HSD17B7: variants seen among roughly 807,000 people sequenced by gnomAD.
HSD17B7 encodes 3-keto-steroid reductase/17-beta-hydroxysteroid dehydrogenase 7.
Under a neutral mutation model 34.1 loss-of-function variants are expected in HSD17B7, and 17 were observed. That is an observed-to-expected ratio of 0.50 (90% CI 0.34 to 0.75). The LOEUF is 0.75. Among genes scored for constraint, HSD17B7 ranks in the 30% least tolerant of loss-of-function variants. The pLI is 0.01. For missense variants in HSD17B7, 296 were observed against 406.6 expected, an observed-to-expected ratio of 0.73 and a Z score of 2.34; for synonymous variants, 122 against 154.6, an observed-to-expected ratio of 0.79 and a Z score of 1.56.
chr1:162,812,562 C>T lies in HSD17B7; in HGVS notation c.*142C>T. 3.9e-6 allele frequency: 3 copies of T among 773,746 alleles called. No homozygotes were observed. Among genetic ancestry groups the T allele is most frequent in the Non-Finnish European group, 5.8e-6 (3 of 516,112 alleles). 47.9% of individuals were successfully genotyped at this position (773,746 alleles called of 1,614,324 possible). A position where few individuals can be genotyped will look rare whatever the true frequency, so the allele number is the denominator to read the frequency against. ...GTGTGGTGGCATGCGCATGTAGTCC[C>T]AGCTACTCAGAAGGATGAGGTGGGA... On this transcript the variant is annotated 3_prime_UTR_variant, in exon 9 of 9. Transcript: ENST00000254521.
At chr1:162,806,825 GT>G (rs1383873220) in intron 8 of HSD17B7, among the ~76,000 whole-genome samples, 1 of 152,168 alleles carries the variant, frequency 6.6e-6, no homozygotes, top group Non-Finnish European at 1.5e-5. Flanking sequence ...ATTGAAGAAA[GT>G]ATTTTAACCT....
At chr1:162,794,499 G>A (rs995308527) in intron 2 of HSD17B7, among the ~76,000 whole-genome samples, 1 of 152,056 alleles carries the variant, frequency 6.6e-6, no homozygotes, top group African/African-American at 2.4e-5. Context: ...AGATTTTCTA[G>A]GTTCTGTTTT....
chr1:162,794,501 T>A (rs1648534409), intron 2 of HSD17B7, among the ~76,000 whole-genome samples: 1 of 152,168 alleles, frequency 6.6e-6, no homozygotes, highest in Non-Finnish European at 1.5e-5. Flanking sequence ...ATTTTCTAGG[T>A]TCTGTTTTCA....
intron 3 of HSD17B7, among the ~76,000 whole-genome samples, chr1:162,796,938 G>T (rs1456807380): frequency 2.0e-5 from 3 of 152,128 alleles, no homozygotes; most frequent in African/African-American, 7.2e-5. Flanking sequence ...GGTCTGCCTG[G>T]ATATGCCTAT....
intron 2 of HSD17B7, among the ~76,000 whole-genome samples, chr1:162,794,916 A>T (rs867915793): frequency 6.6e-6 from 1 of 152,368 alleles, no homozygotes; most frequent in Middle Eastern, 3.4e-3. Context: ...AACTTAGCAC[A>T]GATTCAAGGC....
At chr1:162,805,766 G>A (rs1648962817) in intron 8 of HSD17B7, among the ~76,000 whole-genome samples, 1 of 152,098 alleles carries the variant, frequency 6.6e-6, no homozygotes, top group Non-Finnish European at 1.5e-5. Context: ...CTGTAGACCG[G>A]GCCTGGGTGC....
intron 4 of HSD17B7, chr1:162,799,530 G>C (rs191155364): frequency 2.3e-6 from 1 of 435,856 alleles, no homozygotes; most frequent in Non-Finnish European, 4.1e-6. Flanking sequence ...CCTCTCTGCT[G>C]ATAGACTAAG....
intron 8 of HSD17B7, among the ~76,000 whole-genome samples, chr1:162,809,173 C>T (rs909985437): frequency 3.3e-5 from 5 of 152,150 alleles, no homozygotes; most frequent in African/African-American, 1.2e-4. Context: ...GAGTTTTTAG[C>T]ATGAAGAGTT....
intron 7 of HSD17B7, 87 bp downstream of exon 7, chr1:162,804,410 A>C (rs772858021): frequency 2.3e-6 from 2 of 861,114 alleles, no homozygotes; most frequent in Non-Finnish European, 3.8e-6. Flanking sequence ...ATTTCAACAG[A>C]AAAGATAATA....
At chr1:162,805,988 G>A (rs993472096) in intron 8 of HSD17B7, among the ~76,000 whole-genome samples, 3 of 152,078 alleles carry the variant, frequency 2.0e-5, no homozygotes, top group Admixed American at 1.3e-4. Context: ...TTCCCTTTGA[G>A]TATTCAATTC....
chr1:162,793,051 A>G (rs1223322441), intron 2 of HSD17B7, 189 bp downstream of exon 2: 255 of 327,374 alleles, frequency 7.8e-4, no homozygotes, highest in Non-Finnish European at 8.7e-4. Context: ...TTTTTTTTAA[A>G]GAGATGGAGT....
chr1:162,794,337 A>G (rs148256192), intron 2 of HSD17B7, among the ~76,000 whole-genome samples: 3,280 of 152,198 alleles, frequency 0.022, 53 homozygotes, highest in Admixed American at 0.033. Flanking sequence ...GCCTGTTCCA[A>G]ATGCACAAGT....
intron 2 of HSD17B7, among the ~76,000 whole-genome samples, chr1:162,795,425 C>G (rs1359886187): frequency 3.3e-5 from 5 of 152,134 alleles, no homozygotes; most frequent in Middle Eastern, 3.2e-3. Flanking sequence ...GATGTCTTTA[C>G]TAAACATTTC....
At chr1:162,793,332 C>T (rs1377127780) in intron 2 of HSD17B7, among the ~76,000 whole-genome samples, 6 of 152,208 alleles carry the variant, frequency 3.9e-5, no homozygotes, top group African/African-American at 1.4e-4. Flanking sequence ...TGCGCCTGGC[C>T]AGTACCACAT....
At chr1:162,804,550 G>A (rs1648918728) in intron 7 of HSD17B7, among the ~76,000 whole-genome samples, 2 of 152,182 alleles carry the variant, frequency 1.3e-5, no homozygotes, top group African/African-American at 4.8e-5. Context: ...CATGACTGTA[G>A]GGAAAGCACT....
chr1:162,805,640 C>T, intron 8 of HSD17B7, 148 bp downstream of exon 8: 5 of 1,278,192 alleles, frequency 3.9e-6, no homozygotes, highest in Non-Finnish European at 5.2e-6. Flanking sequence ...TTATTTCATC[C>T]TGCTCCCTCC....
At chr1:162,808,602 A>G (rs1649069333) in intron 8 of HSD17B7, among the ~76,000 whole-genome samples, 1 of 152,240 alleles carries the variant, frequency 6.6e-6, no homozygotes, top group African/African-American at 2.4e-5. Context: ...ATCTATGAGC[A>G]TGGAATGTTC....
intron 5 of HSD17B7, among the ~76,000 whole-genome samples, chr1:162,800,807 T>C (rs1366605100): frequency 6.6e-6 from 1 of 152,212 alleles, no homozygotes; most frequent in African/African-American, 2.4e-5. Context: ...GGTTTAGGGT[T>C]GAGGAGGAAA....
chr1:162,798,068 G>A (rs1483960190), intron 4 of HSD17B7, 152 bp downstream of exon 4: 6 of 1,298,820 alleles, frequency 4.6e-6, no homozygotes, highest in Non-Finnish European at 5.1e-6. Flanking sequence ...TTTATTGTGA[G>A]CATGGAATAC....
Sources: gnomAD v4.1 joint callset for allele counts (sites outside exome capture counted in the v4.1 genomes callset) on GRCh38, gnomAD v4.1.1 for gene constraint, MANE v1.5 for transcripts, NCBI Gene and HGNC (gene_info 2026-07-23, HGNC 2026-07-21) for gene names.